Variants in NIN observed in about 807,000 individuals in gnomAD.
NIN encodes glycogen synthase kinase 3 beta-interacting protein.
In NIN, 137 loss-of-function variants were observed where a neutral mutation model predicts 257.6. The ratio of observed to expected loss-of-function variants is 0.53; its 90% CI spans 0.46 to 0.61. The LOEUF (loss-of-function observed/expected upper bound fraction) is 0.61. Ranked by LOEUF, NIN falls within the 20% of genes least tolerant of loss-of-function variation. NIN has a pLI of 0.00. For missense variants in NIN, 2,439 were observed against 2,501.2 expected, an observed-to-expected ratio of 0.98 and a Z score of 0.53; for synonymous variants, 918 against 919.8, an observed-to-expected ratio of 1.00 and a Z score of 0.04.
At position 50,758,266 on chromosome 14, in the gene NIN, G is replaced by C. The variant is rs1018927945; in HGVS notation, c.2764C>G (p.Leu922Val). The change falls in exon 18 of 31, where the codon CTA (leucine) becomes GTA (valine). Residue 922 changes from leucine to valine, a missense_variant. By Grantham distance (32) the Leu-to-Val change is conservative. Around this residue, in one of 3 missense-constraint regions of NIN, gnomAD observed 2,043 missense variants for 2,050.2 expected, o/e 1.00. Coordinates refer to ENST00000530997, the MANE Select transcript of NIN (RefSeq NM_020921.4). ...RQQLLQDLED[L>V]RNVSETQQSL... ...TGCTGGGTTTCAGATACATTTCTTAGGTCTTCCAGGTCTTGGAGTAGCTGC... is the reference window on the plus strand; with the variant it reads ...TGCTGGGTTTCAGATACATTTCTTACGTCTTCCAGGTCTTGGAGTAGCTGC... 2.5e-6 allele frequency: 4 copies of C among 1,614,196 alleles called. No homozygotes were observed. In the African/African-American group the frequency reaches 5.3e-5, roughly 22 times the overall value.
At chr14:50,737,717 T>C (rs1001309600) in intron 27 of NIN, among the ~76,000 whole-genome samples, 2 of 150,080 alleles carry the variant, frequency 1.3e-5, no homozygotes, top group Non-Finnish European at 3.0e-5. Context: ...TGATCTTAGC[T>C]CACTGCAACC....
intron 18 of NIN, 73 bp downstream of exon 18, chr14:50,756,419 C>G: frequency 2.7e-6 from 4 of 1,486,756 alleles, no homozygotes; most frequent in Middle Eastern, 1.8e-4. Flanking sequence ...TCTCTAGGCA[C>G]GGCAAGCAGT....
At chr14:50,730,365 A>C (rs1213036248) in intron 28 of NIN, among the ~76,000 whole-genome samples, 1 of 152,234 alleles carries the variant, frequency 6.6e-6, no homozygotes, top group East Asian at 1.9e-4. Flanking sequence ...ATGTGTACCA[A>C]CATGCCAGTC....
chr14:50,769,575 G>A (rs989136003), intron 12 of NIN, among the ~76,000 whole-genome samples: 2 of 151,978 alleles, frequency 1.3e-5, no homozygotes, highest in African/African-American at 4.8e-5. Context: ...TCTGCTCACT[G>A]CAACTTCCTC....
chr14:50,764,041 T>C (rs902747680), intron 14 of NIN, 77 bp from the exon 15 acceptor site: 180 of 1,308,646 alleles, frequency 1.4e-4, no homozygotes, highest in Middle Eastern at 6.4e-4. Context: ...AAAAGATAAA[T>C]TGGATATCAT....
chr14:50,756,607 A>C lies in NIN; in HGVS notation c.4423T>G (p.Leu1475Val), dbSNP rs2042038004. ...TRKLKERVTI[L>V]VKQKDVLSHG... is the part of the protein sequence containing the mutation. Reference sequence around the variant, plus strand: ...GAAAGTACATCTTTTTGCTTAACTAAAATAGTGACTCTCTCCTTCAACTTC... The same window carrying C: ...GAAAGTACATCTTTTTGCTTAACTACAATAGTGACTCTCTCCTTCAACTTC... The change falls in exon 18 of 31, where the codon TTA (leucine) becomes GTA (valine). Residue 1475 changes from leucine (L) to valine (V), a missense_variant. Physicochemically the swap from Leu to Val is conservative, Grantham distance 32 (BLOSUM62 1). Transcript: ENST00000530997. The C allele has an allele frequency of 2.5e-6, 4 of 1,584,840 alleles. No homozygotes were observed. The East Asian group carries it at 9.1e-5, about 36-fold the overall frequency.
At chr14:50,782,967 CGT>C (rs2043193637) in intron 5 of NIN, among the ~76,000 whole-genome samples, 1 of 700 alleles carries the variant, frequency 1.4e-3, no homozygotes, top group Non-Finnish European at 0.014. Context: ...AACCCAAAAG[CGT>C]CGTCAGATAC....
chr14:50,794,191 T>C (rs983752148), intron 4 of NIN, among the ~76,000 whole-genome samples: 14 of 152,214 alleles, frequency 9.2e-5, no homozygotes, highest in African/African-American at 2.2e-4. Flanking sequence ...CTCCCCGCCA[T>C]GTCCTTCCCT....
chr14:50,818,822 C>T (rs1476607323), intron 3 of NIN, among the ~76,000 whole-genome samples: 2 of 151,802 alleles, frequency 1.3e-5, no homozygotes, highest in African/African-American at 4.8e-5. Context: ...GGGAAAATGA[C>T]CTATTGGTAA....
intron 14 of NIN, among the ~76,000 whole-genome samples, chr14:50,765,063 T>TAAAAA (rs781699626): frequency 1.5e-4 from 12 of 82,072 alleles, no homozygotes; most frequent in African/African-American, 5.6e-4. Context: ...TGTCTCTACT[T>TAAAAA]AAAAAAAAAA....
chr14:50,780,330 C>T (rs991794017), intron 5 of NIN, among the ~76,000 whole-genome samples: 1 of 152,164 alleles, frequency 6.6e-6, no homozygotes, highest in African/African-American at 2.4e-5. Context: ...AACAAATAAC[C>T]AGCACGTTTT....
In NIN at chr14:50,771,566, A is replaced by C. The variant is rs2042733936; in HGVS notation, c.982-98T>G. ...GGCTATACAAACTCTGAGAGCTGAC[A>C]ATGATCTAGCAATTAGACAATTCCA... On this transcript the variant is annotated intron_variant, in intron 9 of 30. Coordinates refer to ENST00000530997, the MANE Select transcript of NIN (RefSeq NM_020921.4). The C allele has an allele frequency of 8.5e-6, 11 of 1,296,282 alleles. No homozygotes were observed. The South Asian group carries it at 1.5e-4, about 18-fold the overall frequency. The allele number at this position is 1,296,282 out of a possible 1,614,324, so 80.3% of individuals were successfully genotyped here.
chr14:50,743,361 TG>T (rs749585851), intron 24 of NIN, 54 bp downstream of exon 24: 51 of 1,117,780 alleles, frequency 4.6e-5, no homozygotes, highest in Non-Finnish European at 7.0e-5. Flanking sequence ...GGATTTCTGT[TG>T]GAAGATCTAG....
chr14:50,762,810 C>A (rs1258313572), intron 15 of NIN, among the ~76,000 whole-genome samples: 5 of 152,132 alleles, frequency 3.3e-5, no homozygotes, highest in African/African-American at 4.8e-5. Flanking sequence ...GGGTATATGT[C>A]TAGCAGCTGC....
rs775768288 is a variant in NIN, at chr14:50,760,020, G to A, written c.2236C>T (p.Gln746Ter). The A allele has an allele frequency of 6.2e-7, 1 of 1,614,200 alleles. No individual in the cohort carries two copies. Among genetic ancestry groups the A allele is most frequent in the South Asian group, 1.1e-5 (1 of 91,080 alleles). ...ASFEREREGL[Q>*]SSAWTEEKVR... ...TTCTCTTCTGTCCAGGCGCTACTCTGAAGGCCTTCCCTCTCCCGCTCAAAG... is the reference window on the plus strand; with the variant it reads ...TTCTCTTCTGTCCAGGCGCTACTCTAAAGGCCTTCCCTCTCCCGCTCAAAG... The change falls in exon 17 of 31, where the codon CAG (glutamine) becomes TAG (stop). Residue 746 changes from glutamine to a stop codon, truncating the protein, a stop_gained. Coordinates refer to ENST00000530997, the MANE Select transcript of NIN (RefSeq NM_020921.4). LOFTEE classifies it high-confidence loss of function.
chr14:50,820,611 A>C (rs771465556), intron 3 of NIN, among the ~76,000 whole-genome samples: 14 of 152,168 alleles, frequency 9.2e-5, no homozygotes, highest in Admixed American at 1.3e-4. Flanking sequence ...TGAGGAGCAA[A>C]TGGTTCAATC....
chr14:50,820,449 C>T (rs1218937289), intron 3 of NIN, among the ~76,000 whole-genome samples: 1 of 152,174 alleles, frequency 6.6e-6, no homozygotes, highest in African/African-American at 2.4e-5. Context: ...CCTTTTCAGA[C>T]TTTAATGAGC....
chr14:50,786,364 A>C (rs2043347846), intron 5 of NIN, among the ~76,000 whole-genome samples: 1 of 151,784 alleles, frequency 6.6e-6, no homozygotes, highest in Non-Finnish European at 1.5e-5. Context: ...TTAGAAGATA[A>C]ATATTAGAAA....
In NIN at chr14:50,820,830, A is replaced by G. The variant is rs915799874; in HGVS notation, c.183+1044T>C. On this transcript the variant is annotated intron_variant, in intron 3 of 30. Transcript: ENST00000530997. ...TGCCTGAGAATATCATCTTTTGCAC[A>G]TGAATTTCAGGATGATGGCTACTCC... Among the ~76,000 whole-genome samples, 7 of 152,330 alleles carry G rather than the reference A, an allele frequency of 4.6e-5. No homozygotes were observed. The East Asian group carries it at 7.7e-4, about 17-fold the overall frequency.
Sources: gnomAD v4.1 joint callset for allele counts (sites outside exome capture counted in the v4.1 genomes callset) on GRCh38, gnomAD v4.1.1 for gene constraint, gnomAD v4.1.1 regional missense constraint, MANE v1.5 for transcripts, NCBI Gene and HGNC (gene_info 2026-07-23, HGNC 2026-07-21) for gene names.